Variants in SH3PXD2A observed in about 807,000 individuals in gnomAD.
SH3PXD2A encodes the protein SH3 and PX domains 2A.
SH3PXD2A carries 32 observed loss-of-function variants against 115.2 expected under a neutral mutation model. That is an observed-to-expected ratio of 0.28 (90% CI 0.21 to 0.37). The LOEUF (loss-of-function observed/expected upper bound fraction) is 0.37, where lower values mean the gene tolerates loss of function less well. Ranked by LOEUF, SH3PXD2A falls within the 10% of genes least tolerant of loss-of-function variation. SH3PXD2A has a pLI of 1.00. For synonymous variants in SH3PXD2A, 610 were observed against 629.1 expected (o/e 0.97, Z 0.45); for missense variants, 1,328 against 1,498.7 (o/e 0.89, Z 1.88).
At position 103,746,109 on chromosome 10, in the gene SH3PXD2A, GT is replaced by G. The variant is rs2038499838; in HGVS notation, c.230-10302del. Reference sequence around the variant, plus strand: ...TCTGGTTCGGAGGTTCCCATACCCAGTAAGCAGAGCCAGGCTGAAGGGAACA... The same window carrying G: ...TCTGGTTCGGAGGTTCCCATACCCAGAAGCAGAGCCAGGCTGAAGGGAACA... On this transcript the variant is annotated intron_variant, in intron 3 of 14. Transcript: ENST00000369774. This position sits in a 1 kb window ranked among gnomAD's most constrained non-coding sequence, Gnocchi z 4.4. The G allele has an allele frequency of 6.6e-6, 1 of 152,234 alleles. No homozygotes were observed. The highest frequency in any genetic ancestry group is 2.4e-5 in the African/African-American group (1 of 41,464). 9.4% of individuals were successfully genotyped at this position (152,234 alleles called of 1,614,324 possible).
chr10:103,736,935 A>G, intron 3 of SH3PXD2A: 1 of 490,542 alleles, frequency 2.0e-6, no homozygotes, highest in South Asian at 1.6e-5. Flanking sequence ...CCAGAGTCAC[A>G]GTGATTGGCT....
At chr10:103,661,237 A>AG (rs2037296103) in intron 7 of SH3PXD2A, 123 bp from the exon 8 acceptor site, 1 of 1,190,456 alleles carries the variant, frequency 8.4e-7, no homozygotes, top group Admixed American at 2.9e-5. Flanking sequence ...TCCCAGGGGC[A>AG]GCCCGCAGCC....
chr10:103,640,586 C>T (rs1455318025), intron 8 of SH3PXD2A, among the ~76,000 whole-genome samples: 1 of 152,146 alleles, frequency 6.6e-6, no homozygotes, highest in Non-Finnish European at 1.5e-5. Flanking sequence ...TCATCATCAG[C>T]AATCGTGGGA....
intron 1 of SH3PXD2A, among the ~76,000 whole-genome samples, chr10:103,819,761 G>A (rs991697506): frequency 2.6e-5 from 4 of 152,086 alleles, no homozygotes; most frequent in African/African-American, 9.7e-5. Context: ...TGGAGCAGGG[G>A]GCAGGCAGGA....
intron 1 of SH3PXD2A, among the ~76,000 whole-genome samples, chr10:103,815,742 A>C (rs2039317691): frequency 6.6e-6 from 1 of 151,892 alleles, no homozygotes; most frequent in African/African-American, 2.4e-5. Context: ...TACAAGAAGT[A>C]GCTGGGTGTG....
At chr10:103,809,493 T>C (rs1589464194) in intron 1 of SH3PXD2A, among the ~76,000 whole-genome samples, 1 of 152,146 alleles carries the variant, frequency 6.6e-6, no homozygotes, top group Admixed American at 6.5e-5. Flanking sequence ...CTGGGCCAGA[T>C]GGACCTTCTC....
chr10:103,689,538 G>T (rs1041320562), intron 6 of SH3PXD2A, among the ~76,000 whole-genome samples: 16 of 152,142 alleles, frequency 1.1e-4, no homozygotes, highest in African/African-American at 3.9e-4. Context: ...GGTGGCAGGT[G>T]CCTGTAATCC....
chr10:103,772,450 G>C (rs1469527819), intron 2 of SH3PXD2A, among the ~76,000 whole-genome samples: 1 of 152,232 alleles, frequency 6.6e-6, no homozygotes, highest in Admixed American at 6.5e-5. Flanking sequence ...AGATTCTCCT[G>C]TCACTCCAGC....
At chr10:103,790,300 G>A (rs536051892) in intron 2 of SH3PXD2A, among the ~76,000 whole-genome samples, 6 of 151,978 alleles carry the variant, frequency 3.9e-5, no homozygotes, top group Admixed American at 1.3e-4. Flanking sequence ...GAATACAGGC[G>A]CCCGCCATCA....
intron 5 of SH3PXD2A, among the ~76,000 whole-genome samples, chr10:103,710,521 G>T (rs2038035367): frequency 6.6e-6 from 1 of 152,134 alleles, no homozygotes; most frequent in African/African-American, 2.4e-5. Flanking sequence ...ACTCCTGGGG[G>T]AACATAAGGC....
chr10:103,608,444 A>AG (rs1554903132), intron 13 of SH3PXD2A, among the ~76,000 whole-genome samples: 1 of 150,516 alleles, frequency 6.6e-6, no homozygotes, highest in South Asian at 2.1e-4. Flanking sequence ...AAAAAAAAAA[A>AG]AAAAAAGAAA....
intron 7 of SH3PXD2A, 31 bp downstream of exon 7, chr10:103,668,577 C>T (rs1040487766): frequency 1.9e-6 from 3 of 1,544,406 alleles, no homozygotes; most frequent in Non-Finnish European, 2.6e-6. Context: ...AACACACATG[C>T]TCACACACAT....
chr10:103,738,188 T>C (rs1296494524), intron 3 of SH3PXD2A, among the ~76,000 whole-genome samples: 1 of 152,242 alleles, frequency 6.6e-6, no homozygotes, highest in African/African-American at 2.4e-5. Context: ...GAAGCGGCTC[T>C]GCCCTGCGTC....
At chr10:103,622,640 A>G in intron 9 of SH3PXD2A, 87 bp from the exon 10 acceptor site, 7 of 499,486 alleles carry the variant, frequency 1.4e-5, no homozygotes, top group East Asian at 9.7e-5. Context: ...TGGGGGTGGG[A>G]GGAAGGGGCA....
chr10:103,848,849 C>T (rs12249603), intron 1 of SH3PXD2A, among the ~76,000 whole-genome samples: 333 of 152,102 alleles, frequency 2.2e-3, no homozygotes, highest in African/African-American at 7.5e-3. Context: ...ATGCTGAGCT[C>T]CATAAGGCGC....
chr10:103,602,671 G>A lies in SH3PXD2A; in HGVS notation c.2547C>T (p.Ser849=), dbSNP rs201341668. The part of the protein sequence containing the change: ...EGPATSYMTC[S]AYQKVQDSEI... ...CCGAGTCCTGGACCTTCTGGTAGGC[G>A]CTGCATGTCATGTACGAGGTGGCTG... The change falls in exon 15 of 15, where the codon AGC becomes AGT. Residue 849 remains serine, a synonymous_variant. Transcript: ENST00000369774. The A allele has an allele frequency of 2.1e-5, 34 of 1,614,166 alleles. No individual in the cohort carries two copies. The East Asian group carries it at 7.4e-4, about 35-fold the overall frequency.
At chr10:103,679,004 C>T (rs1305699329) in intron 6 of SH3PXD2A, among the ~76,000 whole-genome samples, 2 of 152,158 alleles carry the variant, frequency 1.3e-5, no homozygotes, top group South Asian at 2.1e-4. Context: ...ACATGGAAGA[C>T]GTGGCACATG....
At chr10:103,618,679 G>A (rs1484366458) in intron 10 of SH3PXD2A, among the ~76,000 whole-genome samples, 2 of 152,232 alleles carry the variant, frequency 1.3e-5, no homozygotes, top group Non-Finnish European at 2.9e-5. Context: ...CAAGGGTACC[G>A]ATGGGAAGTG....
rs1057193105 is a variant in SH3PXD2A, at chr10:103,756,379, G to T, written c.229+10715C>A. ...ACTGTGGGAGTTTATCTCTTCCAGT[G>T]CCCCTCACCTCCTAAGAAGTTGTTG... On this transcript the variant is annotated intron_variant, in intron 3 of 14. Coordinates refer to ENST00000369774, the MANE Select transcript of SH3PXD2A (RefSeq NM_001394015.1). The surrounding 1 kb of genome is among the most constrained non-coding windows in gnomAD (Gnocchi z 4.4). 1.3e-5 allele frequency among the ~76,000 whole-genome samples: 2 copies of T among 152,092 alleles called. No individual in the cohort carries two copies. Among genetic ancestry groups the T allele is most frequent in the African/African-American group, 4.8e-5 (2 of 41,406 alleles).
Sources: allele counts gnomAD v4.1 joint callset (sites outside exome capture counted in the v4.1 genomes callset), GRCh38; gene constraint gnomAD v4.1.1; non-coding constraint Gnocchi (gnomAD v3.1); transcripts MANE v1.5; gene names NCBI Gene and HGNC (gene_info 2026-07-23, HGNC 2026-07-21).